Variants in NFATC3 observed in about 807,000 individuals in gnomAD.
NFATC3 encodes the protein nuclear factor of activated T cells 3.
NFATC3 carries 46 observed loss-of-function variants against 98.6 expected under a neutral mutation model. The observed-to-expected ratio is 0.47, with a 90% CI of 0.37 to 0.60. The LOEUF is 0.60. NFATC3 is among the 20% of genes least tolerant of loss of function. NFATC3 has a pLI of 0.00. For synonymous variants in NFATC3, 512 were observed against 472.2 expected, an observed-to-expected ratio of 1.08 and a Z score of -1.09; for missense variants, 1,256 against 1,295.5, an observed-to-expected ratio of 0.97 and a Z score of 0.47.
At chr16:68,221,454 G>T in intron 9 of NFATC3, 1 of 1,322,890 alleles carries the variant, frequency 7.6e-7, no homozygotes, top group Non-Finnish European at 9.7e-7. Flanking sequence ...CTCACCTGTA[G>T]CAATTACTTG....
intron 5 of NFATC3, among the ~76,000 whole-genome samples, chr16:68,170,768 C>T (rs142196530): frequency 6.6e-6 from 1 of 152,216 alleles, no homozygotes. Flanking sequence ...GCTGGGATTA[C>T]AGGCGTAAGC....
At chr16:68,181,374 C>G in intron 6 of NFATC3, 101 bp from the exon 7 acceptor site, 1 of 771,552 alleles carries the variant, frequency 1.3e-6, no homozygotes, top group South Asian at 1.5e-5. Context: ...GAAAAAAGAT[C>G]CCCTTTGTTA....
At position 68,191,316 on chromosome 16, in the gene NFATC3, G is replaced by A. The variant is rs771130946; in HGVS notation, c.2647G>A (p.Gly883Arg). The change falls in exon 9 of 10, where the codon GGA becomes AGA. Residue 883 changes from glycine (G) to arginine (R), a missense_variant. By Grantham distance (125) the Gly-to-Arg change is moderately radical (BLOSUM62 -2). Around this residue, in one of 3 missense-constraint regions of NFATC3, gnomAD observed 636 missense variants for 617.3 expected, o/e 1.03. Coordinates refer to ENST00000346183, the MANE Select transcript of NFATC3 (RefSeq NM_173165.3). ...VHTLPHLQSM[G>R]YHCSNTGQRS... ...TACCCTGCCTCATCTGCAATCAATG[G>A]GATATCATTGTTCAAATACAGGACA... The A allele has an allele frequency of 3.1e-6, 5 of 1,614,034 alleles. No homozygotes were observed. In the Admixed American group the frequency reaches 6.7e-5, roughly 22 times the overall value.
rs548624708 is a variant in NFATC3, at chr16:68,112,040, G to A, written c.104-9947G>A. Among the ~76,000 whole-genome samples the A allele has an allele frequency of 3.3e-5, 5 of 152,046 alleles. No homozygotes were observed. In the South Asian group the frequency reaches 6.2e-4, roughly 19 times the overall value. ...GTGGTGATCTGTCCTCTCTCCCTGC[G>A]CTTAACATTTTTTCCTTCATTTCAA... On this transcript the variant is annotated intron_variant, in intron 1 of 9. Transcript: ENST00000346183.
chr16:68,143,894 A>C, intron 3 of NFATC3, among the ~76,000 whole-genome samples: 1 of 152,226 alleles, frequency 6.6e-6, no homozygotes, highest in East Asian at 1.9e-4. Flanking sequence ...AAAGTATAAA[A>C]CTTTTAGAAG....
chr16:68,185,106 G>A (rs1035409491), intron 8 of NFATC3, among the ~76,000 whole-genome samples: 4 of 151,786 alleles, frequency 2.6e-5, no homozygotes, highest in African/African-American at 9.7e-5. Context: ...TCCTGCCTCA[G>A]CCTCCCAAGT....
At chr16:68,130,523 G>A (rs373668433) in intron 3 of NFATC3, among the ~76,000 whole-genome samples, 2 of 152,098 alleles carry the variant, frequency 1.3e-5, no homozygotes, top group Non-Finnish European at 2.9e-5. Context: ...CTGTTGAGTT[G>A]TTTGAGTACC....
At chr16:68,221,969 A>G (rs780213341) in intron 9 of NFATC3, among the ~76,000 whole-genome samples, 2 of 152,080 alleles carry the variant, frequency 1.3e-5, no homozygotes, top group Non-Finnish European at 2.9e-5. Flanking sequence ...GGAAAATAGA[A>G]GCATTGACTT....
intron 9 of NFATC3, chr16:68,221,403 G>A (rs1413235103): frequency 1.4e-6 from 2 of 1,477,032 alleles, no homozygotes; most frequent in Non-Finnish European, 1.8e-6. Context: ...AAAGCACTTT[G>A]TTGCAGTTCT....
intron 6 of NFATC3, among the ~76,000 whole-genome samples, chr16:68,179,844 G>T (rs2039878649): frequency 6.6e-6 from 1 of 152,186 alleles, no homozygotes; most frequent in Admixed American, 6.6e-5. Flanking sequence ...CCTGCTGGGA[G>T]TAAGTAATGT....
intron 3 of NFATC3, among the ~76,000 whole-genome samples, chr16:68,130,170 G>A (rs1304967942): frequency 1.3e-5 from 2 of 152,144 alleles, no homozygotes; most frequent in African/African-American, 2.4e-5. Context: ...TATATACCCT[G>A]TAGTGGAATT....
rs778016298 is a variant in NFATC3, at chr16:68,104,653, G to GT, written c.104-17318dup. On this transcript the variant is annotated intron_variant, in intron 1 of 9. Transcript: ENST00000346183. ...GTTAGCTGTGGGCTTTTCACAAATG[G>GT]TTTTTTTTTTTTTTTTGAAATGGAG... 3.8e-3 allele frequency among the ~76,000 whole-genome samples: 484 copies of GT among 126,636 alleles called. 6 individuals carry two copies. Among genetic ancestry groups the GT allele is most frequent in the Admixed American group, 6.2e-3 (77 of 12,404 alleles). 83.1% of individuals were successfully genotyped at this position (126,636 alleles called of 152,430 possible). A position where few individuals can be genotyped will look rare whatever the true frequency, so the allele number is the denominator to read the frequency against.
intron 4 of NFATC3, among the ~76,000 whole-genome samples, chr16:68,160,860 T>G (rs912768588): frequency 6.6e-6 from 1 of 152,158 alleles, no homozygotes; most frequent in African/African-American, 2.4e-5. Context: ...AATTTTTGTA[T>G]TTTTAGTAGA....
At chr16:68,143,210 A>T (rs1222475865) in intron 3 of NFATC3, among the ~76,000 whole-genome samples, 1 of 119,022 alleles carries the variant, frequency 8.4e-6, no homozygotes, top group Non-Finnish European at 1.7e-5. Context: ...AGACCATGCT[A>T]AAAAAAAAAA....
chr16:68,114,275 C>T (rs1351381589), intron 1 of NFATC3, among the ~76,000 whole-genome samples: 3 of 152,124 alleles, frequency 2.0e-5, no homozygotes, highest in Non-Finnish European at 4.4e-5. Flanking sequence ...ACCACCTAGT[C>T]AGTCCCAGTG....
intron 1 of NFATC3, among the ~76,000 whole-genome samples, chr16:68,105,369 A>G (rs370850967): frequency 1.5e-4 from 23 of 152,078 alleles, no homozygotes; most frequent in African/African-American, 4.8e-4. Context: ...GGCATGAACC[A>G]GTACACCCGG....
chr16:68,139,633 T>C (rs868718600), intron 3 of NFATC3, among the ~76,000 whole-genome samples: 16 of 152,354 alleles, frequency 1.1e-4, no homozygotes, highest in African/African-American at 3.4e-4. Flanking sequence ...GATGAGGGAA[T>C]GCAAGCTGTG....
At chr16:68,110,167 G>A (rs1289420777) in intron 1 of NFATC3, among the ~76,000 whole-genome samples, 1 of 151,978 alleles carries the variant, frequency 6.6e-6, no homozygotes, top group African/African-American at 2.4e-5. Context: ...ACCACACTGG[G>A]CTAATTTTTG....
chr16:68,134,090 G>A (rs1434554799), intron 3 of NFATC3, among the ~76,000 whole-genome samples: 1 of 152,056 alleles, frequency 6.6e-6, no homozygotes, highest in Non-Finnish European at 1.5e-5. Flanking sequence ...AGATATAATG[G>A]TATCTGGCTG....
Sources: allele counts gnomAD v4.1 joint callset (sites outside exome capture counted in the v4.1 genomes callset), GRCh38; gene constraint gnomAD v4.1.1; regional missense constraint gnomAD v4.1.1; transcripts MANE v1.5; gene names NCBI Gene and HGNC (gene_info 2026-07-23, HGNC 2026-07-21).